The following PSMA1 variants were observed in gnomAD, a reference collection of about 807,000 sequenced individuals.
The protein encoded by PSMA1 is proteasome subunit alpha type-1.
In PSMA1, 3 loss-of-function variants were observed where a neutral mutation model predicts 38.4. The observed-to-expected ratio is 0.08, with a 90% CI of 0.04 to 0.20. PSMA1 has a LOEUF of 0.20. Ranked by LOEUF, PSMA1 falls within the 10% of genes least tolerant of loss-of-function variation. The probability of loss-of-function intolerance (pLI) is 1.00; values close to 1 mark genes in which losing one functional copy is unlikely to be tolerated. For missense variants in PSMA1, 227 were observed against 325.3 expected (o/e 0.70, Z 2.32); for synonymous variants, 101 against 107.1 (o/e 0.94, Z 0.35).
At chr11:14,549,784 C>G (rs552149195) in intron 2 of PSMA1, among the ~76,000 whole-genome samples, 1 of 151,942 alleles carries the variant, frequency 6.6e-6, no homozygotes, top group Admixed American at 6.6e-5. Context: ...CTACTGGATT[C>G]TCTTGGTCAA....
chr11:14,584,321 G>T (rs1852314397), intron 2 of PSMA1, among the ~76,000 whole-genome samples: 1 of 152,112 alleles, frequency 6.6e-6, no homozygotes. Context: ...AGAGGTAAAA[G>T]GACCTCTCTT....
chr11:14,522,973 A>G (rs765362943), upstream of PSMA1, among the ~76,000 whole-genome samples: 146 of 152,330 alleles, frequency 9.6e-4, 1 homozygote, highest in Admixed American at 2.0e-3. Flanking sequence ...GGCACTCACT[A>G]AACATTTGTT....
chr11:14,636,531 C>T (rs551421180), intron 1 of PSMA1, among the ~76,000 whole-genome samples: 18 of 152,282 alleles, frequency 1.2e-4, no homozygotes, highest in African/African-American at 4.1e-4. Flanking sequence ...TAGGGGATAT[C>T]TCTTTTTCTC....
rs1214450755 is a variant in PSMA1 at position 14,610,968 on chromosome 11, T to A, written c.19A>T (p.Lys7Ter). ...TCAAAAAGCAAAGATATTCTCACCT[T>A]CACCTTGCTGAGCTGCATAACATTT... Residue 7 changes from lysine (K) to a stop codon, truncating the protein, a stop_gained and splice_region_variant, in exon 2 of 11, where the codon AAG becomes TAG. Transcript: ENST00000418988. LOFTEE classifies it high-confidence loss of function. 6.2e-7 allele frequency: 1 copy of A among 1,613,068 alleles called. No individual in the cohort carries two copies. The highest frequency in any genetic ancestry group is 1.3e-5 in the African/African-American group (1 of 74,912).
upstream of PSMA1, among the ~76,000 whole-genome samples, chr11:14,521,736 A>C (rs1370912946): frequency 6.9e-6 from 1 of 144,504 alleles, no homozygotes; most frequent in Non-Finnish European, 1.5e-5. Context: ...ACTGCACTCC[A>C]GCCTGGGCGA....
chr11:14,505,108 G>A lies in PSMA1; in HGVS notation c.*84C>T. The A allele has an allele frequency of 7.7e-7, 1 of 1,306,042 alleles. No homozygotes were observed. The highest frequency in any genetic ancestry group is 1.1e-6 in the Non-Finnish European group (1 of 903,302). 80.9% of individuals were successfully genotyped at this position (1,306,042 alleles called of 1,614,324 possible). On this transcript the variant is annotated 3_prime_UTR_variant, in exon 10 of 10. Transcript: ENST00000396394. The stretch of plus-strand genomic sequence containing the variant: ...GCATTCCACCACTCTGCAACTTTTG[G>A]TTCAAAGTATAGATTATTGTCATCA...
At chr11:14,507,271 C>T (rs915861553) in intron 9 of PSMA1, among the ~76,000 whole-genome samples, 22 of 151,882 alleles carry the variant, frequency 1.4e-4, no homozygotes, top group Admixed American at 5.9e-4. Flanking sequence ...CGGGTTCAAG[C>T]GATTCTCCTG....
chr11:14,562,351 G>A lies in PSMA1; in HGVS notation c.22-43310C>T, dbSNP rs184879293. ...CCCTTGTACATGAGCTACTTTGAAG[G>A]AGGTCTCTGTGTCTTGCAAACCAAA... On this transcript the variant is annotated intron_variant, in intron 2 of 10. Coordinates refer to the PSMA1 transcript ENST00000418988. 2.6e-5 allele frequency among the ~76,000 whole-genome samples: 4 copies of A among 152,326 alleles called. No homozygotes were observed. The East Asian group carries it at 7.7e-4, about 29-fold the overall frequency.
At chr11:14,531,205 G>A (rs978710412) in intron 2 of PSMA1, among the ~76,000 whole-genome samples, 2 of 151,866 alleles carry the variant, frequency 1.3e-5, no homozygotes, top group South Asian at 2.1e-4. Flanking sequence ...GGTAGATTGC[G>A]TGTTGTTGAA....
At chr11:14,559,568 G>C (rs939850879) in intron 2 of PSMA1, among the ~76,000 whole-genome samples, 4 of 152,206 alleles carry the variant, frequency 2.6e-5, no homozygotes, top group Non-Finnish European at 4.4e-5. Flanking sequence ...GATAGAAAAT[G>C]ACCACTAGAC....
chr11:14,508,649 T>G (rs893391012), intron 8 of PSMA1, among the ~76,000 whole-genome samples: 4 of 149,240 alleles, frequency 2.7e-5, no homozygotes, highest in African/African-American at 9.9e-5. Context: ...AGGTAATTCA[T>G]GTGAGAGATG....
chr11:14,604,195 G>A (rs1852616534), intron 2 of PSMA1, among the ~76,000 whole-genome samples: 1 of 152,156 alleles, frequency 6.6e-6, no homozygotes, highest in African/African-American at 2.4e-5. Context: ...GAGTAGCTGG[G>A]ATTACAGGCA....
At chr11:14,618,369 T>G (rs1852801636) in intron 1 of PSMA1, among the ~76,000 whole-genome samples, 1 of 152,208 alleles carries the variant, frequency 6.6e-6, no homozygotes, top group Admixed American at 6.5e-5. Context: ...CCTGATATGT[T>G]TATTGCCTCT....
At position 14,603,295 on chromosome 11, in the gene PSMA1, G is replaced by C. The variant is rs567895247; in HGVS notation, c.21+7671C>G. On this transcript the variant is annotated intron_variant, in intron 2 of 10. Coordinates refer to the PSMA1 transcript ENST00000418988. ...TCCACTGTAAGCACTTTGTTAAGGG[G>C]AGAAATTTTAAATGAAATTTGGAAC... is the stretch of plus-strand genomic sequence containing the variant. 3.3e-5 allele frequency among the ~76,000 whole-genome samples: 5 copies of C among 152,222 alleles called. No homozygotes were observed. The East Asian group carries it at 9.6e-4, about 29-fold the overall frequency.
chr11:14,509,615 G>A (rs1202785007), intron 8 of PSMA1, among the ~76,000 whole-genome samples: 3 of 151,110 alleles, frequency 2.0e-5, no homozygotes, highest in Non-Finnish European at 4.4e-5. Context: ...TGGCCAGGCT[G>A]GTCTCGAACT....
intron 1 of PSMA1, among the ~76,000 whole-genome samples, chr11:14,619,371 C>G (rs1041006347): frequency 6.6e-6 from 1 of 151,836 alleles, no homozygotes; most frequent in Non-Finnish European, 1.5e-5. Flanking sequence ...GCCAGGAGAT[C>G]GACACTTCAG....
chr11:14,606,233 CTA>C, intron 2 of PSMA1, among the ~76,000 whole-genome samples: 1 of 152,170 alleles, frequency 6.6e-6, no homozygotes, highest in Non-Finnish European at 1.5e-5. Context: ...TTCCATTGGT[CTA>C]TGTGTTTCTG....
chr11:14,569,231 T>C (rs540709763), intron 2 of PSMA1, among the ~76,000 whole-genome samples: 18 of 152,306 alleles, frequency 1.2e-4, no homozygotes, highest in African/African-American at 4.1e-4. Flanking sequence ...TAGAAATTTC[T>C]TCTGCTGGGG....
intron 8 of PSMA1, 81 bp from the exon 9 acceptor site, chr11:14,507,847 G>T: frequency 2.1e-6 from 2 of 951,090 alleles, no homozygotes; most frequent in Non-Finnish European, 3.2e-6. Flanking sequence ...GGTGAAAAAA[G>T]CAGAATAAGA....
Sources: gnomAD v4.1 joint callset for allele counts (sites outside exome capture counted in the v4.1 genomes callset) on GRCh38, gnomAD v4.1.1 for gene constraint, MANE v1.5 for transcripts, NCBI Gene and HGNC (gene_info 2026-07-23, HGNC 2026-07-21) for gene names.